Variants in KANK4 observed in about 807,000 individuals in gnomAD.
The protein encoded by KANK4 is KN motif and ankyrin repeat domains 4.
KANK4 carries 50 observed loss-of-function variants against 80.8 expected under a neutral mutation model. The ratio of observed to expected loss-of-function variants is 0.62; its 90% CI spans 0.49 to 0.78. The LOEUF is 0.78. KANK4 is among the 30% of genes least tolerant of loss of function. The probability of loss-of-function intolerance (pLI) is 0.00; values close to 1 mark genes in which losing one functional copy is unlikely to be tolerated. For synonymous variants in KANK4, 465 were observed against 506.9 expected (o/e 0.92, Z 1.11); for missense variants, 1,196 against 1,240.1 (o/e 0.96, Z 0.53).
intron 3 of KANK4, chr1:62,272,793 CTTT>C (rs57507456): frequency 4.2e-5 from 6 of 142,560 alleles, no homozygotes; most frequent in Admixed American, 7.0e-5. Flanking sequence ...ATCTTTTTTT[CTTT>C]TTTTTTTTTT....
intron 6 of KANK4, among the ~76,000 whole-genome samples, chr1:62,266,205 G>A (rs1024391296): frequency 1.3e-5 from 2 of 152,150 alleles, no homozygotes; most frequent in African/African-American, 4.8e-5. Flanking sequence ...GCATATCCAT[G>A]GGCTCCACTT....
At chr1:62,293,836 G>A (rs1644333006) in intron 1 of KANK4, among the ~76,000 whole-genome samples, 2 of 152,092 alleles carry the variant, frequency 1.3e-5, no homozygotes, top group Admixed American at 6.5e-5. Context: ...TCCTATACTT[G>A]GTTATTTCCT....
rs181439158 is a variant in KANK4 at position 62,275,965 on chromosome 1, G to A, written c.17-878C>T. 1.5e-4 allele frequency among the ~76,000 whole-genome samples: 23 copies of A among 151,266 alleles called. No individual in the cohort carries two copies. The East Asian group carries it at 3.7e-3, about 24-fold the overall frequency. On this transcript the variant is annotated intron_variant, in intron 2 of 9. Coordinates refer to ENST00000371153, the MANE Select transcript of KANK4 (RefSeq NM_181712.5). ...GAAGGAAGAGAGAAAGAAAGAAATC[G>A]CATTTTTCACACACTAGATAAAAGG...
At chr1:62,268,657 C>T in intron 4 of KANK4, 152 bp from the exon 5 acceptor site, 1 of 675,036 alleles carries the variant, frequency 1.5e-6, no homozygotes, top group Non-Finnish European at 2.6e-6. Context: ...GACAGGCTCC[C>T]AGGAATCTTG....
intron 9 of KANK4, among the ~76,000 whole-genome samples, chr1:62,243,805 A>T (rs1671402260): frequency 6.6e-6 from 1 of 152,158 alleles, no homozygotes; most frequent in Admixed American, 6.5e-5. Flanking sequence ...CCTAGCTGAG[A>T]ACCACTAGAC....
chr1:62,243,166 C>T (rs374737689), intron 9 of KANK4, among the ~76,000 whole-genome samples: 2 of 152,138 alleles, frequency 1.3e-5, no homozygotes, highest in East Asian at 3.9e-4. Context: ...ACTCCAGTCC[C>T]TCCCTTCCAG....
At chr1:62,255,367 C>T (rs936628779) in intron 7 of KANK4, among the ~76,000 whole-genome samples, 1 of 152,088 alleles carries the variant, frequency 6.6e-6, no homozygotes, top group Non-Finnish European at 1.5e-5. Context: ...GAAAATCAAA[C>T]GTCTTTGTAC....
intron 1 of KANK4, chr1:62,298,287 C>A (rs901366576): frequency 6.6e-6 from 1 of 152,204 alleles, no homozygotes; most frequent in Non-Finnish European, 1.5e-5. Flanking sequence ...GCCAGCCCTC[C>A]AGGTAATTTT....
At chr1:62,262,319 G>C (rs1570984014) in intron 7 of KANK4, among the ~76,000 whole-genome samples, 2 of 152,172 alleles carry the variant, frequency 1.3e-5, no homozygotes, top group African/African-American at 4.8e-5. Context: ...CCACATCACA[G>C]GAATGCTGTG....
chr1:62,246,168 C>A (rs1487512288), intron 9 of KANK4, among the ~76,000 whole-genome samples: 2 of 152,116 alleles, frequency 1.3e-5, no homozygotes, highest in Admixed American at 1.3e-4. Flanking sequence ...AGTAAGCCCT[C>A]CATGTGTGTT....
At chr1:62,271,700 A>T (rs4609464) in intron 3 of KANK4, 111 bp from the exon 4 acceptor site, 15 of 758,720 alleles carry the variant, frequency 2.0e-5, no homozygotes, top group Admixed American at 1.4e-4. Flanking sequence ...TGGAGAGGTA[A>T]GGAGGGACAG....
chr1:62,277,632 C>T (rs1273117440), intron 2 of KANK4, among the ~76,000 whole-genome samples: 2 of 152,176 alleles, frequency 1.3e-5, no homozygotes, highest in Non-Finnish European at 1.5e-5. Context: ...TTTCCTGAGA[C>T]TGCCATGTTG....
chr1:62,247,061 ATT>A (rs59753503), intron 9 of KANK4, among the ~76,000 whole-genome samples: 29,740 of 147,946 alleles, frequency 0.2, 3,763 homozygotes, highest in African/African-American at 0.37. Flanking sequence ...GCACCAGGCT[ATT>A]TTTTTTTTTA....
At chr1:62,261,317 A>C (rs1400000471) in intron 7 of KANK4, among the ~76,000 whole-genome samples, 1 of 151,418 alleles carries the variant, frequency 6.6e-6, no homozygotes, top group East Asian at 1.9e-4. Flanking sequence ...CGTCACTACC[A>C]CCCAGCTAAT....
intron 6 of KANK4, 38 bp from the exon 7 acceptor site, chr1:62,263,349 C>T (rs547717638): frequency 5.0e-5 from 77 of 1,538,730 alleles, no homozygotes; most frequent in South Asian, 3.8e-4. Context: ...AGAGGTTCCC[C>T]GGCCAGCAAG....
intron 1 of KANK4, among the ~76,000 whole-genome samples, chr1:62,292,077 C>T (rs1444725286): frequency 6.6e-6 from 1 of 152,158 alleles, no homozygotes; most frequent in Non-Finnish European, 1.5e-5. Context: ...CCCAGGAAAC[C>T]ATGAATTTAC....
At chr1:62,317,517 C>A (rs1417657501) in intron 1 of KANK4, among the ~76,000 whole-genome samples, 3 of 152,208 alleles carry the variant, frequency 2.0e-5, no homozygotes, top group African/African-American at 7.2e-5. Flanking sequence ...CTGACTGGAC[C>A]AGTCAATGGG....
At chr1:62,279,351 G>A (rs1672401266) in intron 2 of KANK4, among the ~76,000 whole-genome samples, 1 of 152,170 alleles carries the variant, frequency 6.6e-6, no homozygotes, top group Admixed American at 6.6e-5. Flanking sequence ...GAGCTGATAA[G>A]CTGAGAGACT....
At chr1:62,268,618 C>T (rs1382983544) in intron 4 of KANK4, 113 bp from the exon 5 acceptor site, 2 of 800,678 alleles carry the variant, frequency 2.5e-6, no homozygotes, top group African/African-American at 1.7e-5. Flanking sequence ...CTAATCTCCT[C>T]CCCCACTCTC....
Sources: gnomAD v4.1 joint callset for allele counts (sites outside exome capture counted in the v4.1 genomes callset) on GRCh38, gnomAD v4.1.1 for gene constraint, MANE v1.5 for transcripts, NCBI Gene and HGNC (gene_info 2026-07-23, HGNC 2026-07-21) for gene names.